PAGE2: variants seen among roughly 807,000 people sequenced by gnomAD.
PAGE2 encodes P antigen family member 2.
A neutral mutation model predicts 7.5 loss-of-function variants in PAGE2; 6 were observed. The ratio of observed to expected loss-of-function variants is 0.80; its 90% CI spans 0.44 to 1.57. The LOEUF is 1.57. Among genes scored for constraint, PAGE2 ranks in the 40% most tolerant of loss-of-function variants. PAGE2 has a pLI of 0.01. For synonymous variants in PAGE2, 22 were observed against 25.4 expected (o/e 0.87, Z 0.41); for missense variants, 72 against 76.4 (o/e 0.94, Z 0.21).
At chrX:55,089,429 C>T (rs909928651) in intron 1 of PAGE2, among the ~76,000 whole-genome samples, 5 of 110,048 alleles carry the variant, frequency 4.5e-5, no homozygotes, top group African/African-American at 1.7e-4. Flanking sequence ...AGTAGGGACG[C>T]GGGAAGGGAC....
chrX:55,090,350 C>A, intron 2 of PAGE2, 152 bp from the exon 3 acceptor site: 1 of 568,034 alleles, frequency 1.8e-6, no homozygotes, highest in Non-Finnish European at 2.8e-6. Flanking sequence ...ATCTATCTAT[C>A]TATCTATCTA....
chrX:55,090,324 G>GTCTATCTATCTA (rs754486473), intron 2 of PAGE2, among the ~76,000 whole-genome samples, 178 bp from the exon 3 acceptor site: 1 of 93,394 alleles, frequency 1.1e-5, no homozygotes, highest in East Asian at 3.1e-4. Context: ...GTATCTGTCT[G>GTCTATCTATCTA]TCTGTCTATC....
chrX:55,089,928 AC>A, intron 1 of PAGE2, 84 bp from the exon 2 acceptor site: 1 of 734,482 alleles, frequency 1.4e-6, no homozygotes, highest in Non-Finnish European at 2.0e-6. Flanking sequence ...TTAAAAAAGT[AC>A]AAATCACCAT....
At chrX:55,091,182 T>C in intron 3 of PAGE2, 150 bp from the exon 4 acceptor site, 1 of 1,016,299 alleles carries the variant, frequency 9.8e-7, no homozygotes. Context: ...TGTTCGAATA[T>C]CTCTGCTTTC....
intron 1 of PAGE2, among the ~76,000 whole-genome samples, chrX:55,089,709 A>C (rs1936636761): frequency 9.1e-6 from 1 of 110,126 alleles, no homozygotes; most frequent in Non-Finnish European, 1.9e-5. Context: ...TTCAGTTTCA[A>C]TTCTCTGCCC....
At chrX:55,089,816 A>G (rs1936637565) in intron 1 of PAGE2, among the ~76,000 whole-genome samples, 197 bp from the exon 2 acceptor site, 1 of 111,035 alleles carries the variant, frequency 9.0e-6, no homozygotes, top group Non-Finnish European at 1.9e-5. Flanking sequence ...GGGGATTTCT[A>G]TGCCTCTTCG....
At chrX:55,089,620 CCAA>C (rs1260729249) in intron 1 of PAGE2, among the ~76,000 whole-genome samples, 2 of 107,020 alleles carry the variant, frequency 1.9e-5, no homozygotes, top group Non-Finnish European at 3.8e-5. Flanking sequence ...GCTGTGCTTT[CCAA>C]CAAGACTTGA....
At chrX:55,090,326 C>T (rs1304688545) in intron 2 of PAGE2, among the ~76,000 whole-genome samples, 176 bp from the exon 3 acceptor site, 1 of 97,533 alleles carries the variant, frequency 1.0e-5, no homozygotes, top group African/African-American at 4.1e-5. Context: ...ATCTGTCTGT[C>T]TGTCTATCTA....
At position 55,090,434 on chromosome X, in the gene PAGE2, C is replaced by T. The variant is rs373579680; in HGVS notation, c.85-68C>T. 6.1e-5 allele frequency: 60 copies of T among 977,222 alleles called. 2 individuals carry two copies. The highest frequency in any genetic ancestry group is 5.5e-4 in the African/African-American group (27 of 48,847). 80.5% of individuals were successfully genotyped at this position (977,222 alleles called of 1,213,427 possible). ...GAAAAATGTCTTTAGATGTGTGATT[C>T]GATGCACATATGCATTTGTGTATTT... On this transcript the variant is annotated intron_variant, in intron 2 of 4. Coordinates refer to ENST00000374968, the MANE Select transcript of PAGE2 (RefSeq NM_207339.4).
intron 3 of PAGE2, among the ~76,000 whole-genome samples, chrX:55,090,975 A>G (rs1044685177): frequency 9.1e-6 from 1 of 109,422 alleles, no homozygotes; most frequent in Non-Finnish European, 1.9e-5. Context: ...TTTTTAACAC[A>G]CCTTTATTGA....
At position 55,090,366 on chromosome X, in the gene PAGE2, C is replaced by CT. The variant is rs10677847; in HGVS notation, c.85-136_85-135insT. On this transcript the variant is annotated intron_variant, in intron 2 of 4. Coordinates refer to ENST00000374968, the MANE Select transcript of PAGE2 (RefSeq NM_207339.4). Reference sequence around the variant, plus strand: ...TCTATCTATCTATCTATCTATCTATCATCTATCTATCTATATGTGTGTGTA... The same window carrying CT: ...TCTATCTATCTATCTATCTATCTATCTATCTATCTATCTATATGTGTGTGTA... 120 of 616,514 alleles carry CT rather than the reference C, an allele frequency of 1.9e-4. 1 individual carries two copies. The highest frequency in any genetic ancestry group is 1.1e-3 in the Middle Eastern group (3 of 2,662). The allele number at this position is 616,514 out of a possible 1,213,427, so 50.8% of individuals were successfully genotyped here. A position where few individuals can be genotyped will look rare whatever the true frequency, so the allele number is the denominator to read the frequency against.
rs765255043 is a variant in PAGE2, at chrX:55,090,618, G to C, written c.193+8G>C. The C allele has an allele frequency of 2.5e-6, 3 of 1,192,822 alleles. No individual in the cohort carries two copies. Among genetic ancestry groups the C allele is most frequent in the Admixed American group, 4.4e-5 (2 of 44,976 alleles). The stretch of plus-strand genomic sequence containing the variant: ...CAGTGCCTGCTTTTCAAGGTGAAGG[G>C]AGAGTGGAAAATAATGCTTATGGGT... On this transcript the variant is annotated splice_region_variant and intron_variant, in intron 3 of 4. Transcript: ENST00000374968.
Position 55,091,337 on chromosome X carries a change from G to A in PAGE2, c.199G>A (p.Asp67Asn). Residue 67 changes from aspartate (D) to asparagine (N), a missense_variant, in exon 4 of 5, where the codon GAC becomes AAC. Transcript: ENST00000374968. The stretch of plus-strand genomic sequence containing the variant: ...TGACCTTTTTATCTTTTAAGGGCCT[G>A]ACATGGAAGCTTTTCAACAGGAACT... Reference protein sequence around the residue: ...NQAVPAFQGPDMEAFQQELAL... With the variant: ...NQAVPAFQGPNMEAFQQELAL... The A allele has an allele frequency of 8.3e-7, 1 of 1,206,322 alleles. No individual in the cohort carries two copies. Among genetic ancestry groups the A allele is most frequent in the Non-Finnish European group, 1.1e-6 (1 of 894,234 alleles).
intron 1 of PAGE2, among the ~76,000 whole-genome samples, chrX:55,089,789 T>C (rs1052557322): frequency 6.3e-5 from 7 of 110,852 alleles, no homozygotes; most frequent in Non-Finnish European, 1.3e-4. Flanking sequence ...GTCCTCTGTC[T>C]TTTGCTATGG....
rs757278436 is a variant in PAGE2, at chrX:55,090,041, A to G, written c.21A>G (p.Ala7=). The part of the protein sequence containing the change: MSELLR[A]RSQSSERGND... Reference sequence around the variant, plus strand: ...GAAATATGAGTGAGCTTCTAAGAGCAAGATCCCAATCCTCAGAAAGAGGAA... The same window carrying G: ...GAAATATGAGTGAGCTTCTAAGAGCGAGATCCCAATCCTCAGAAAGAGGAA... Residue 7 remains alanine (A), a synonymous_variant, in exon 2 of 5, where the codon GCA becomes GCG. Coordinates refer to ENST00000374968, the MANE Select transcript of PAGE2 (RefSeq NM_207339.4). The G allele has an allele frequency of 8.3e-7, 1 of 1,200,628 alleles. No homozygotes were observed. The highest frequency in any genetic ancestry group is 3.0e-5 in the East Asian group (1 of 33,716).
At chrX:55,090,738 C>G in intron 3 of PAGE2, 128 bp downstream of exon 3, 1 of 557,232 alleles carries the variant, frequency 1.8e-6, no homozygotes, top group East Asian at 3.7e-5. Context: ...CCTACTGCTG[C>G]TGTGTGGAGG....
chrX:55,090,379 A>G, intron 2 of PAGE2, 123 bp from the exon 3 acceptor site: 1 of 686,459 alleles, frequency 1.5e-6, no homozygotes, highest in South Asian at 2.7e-5. Context: ...CTATCTATCT[A>G]TATGTGTGTG....
At chrX:55,090,798 T>G (rs3002387) in intron 3 of PAGE2, among the ~76,000 whole-genome samples, 188 bp downstream of exon 3, 1 of 107,520 alleles carries the variant, frequency 9.3e-6, no homozygotes, top group Non-Finnish European at 1.9e-5. Flanking sequence ...ACCACTTTGA[T>G]GGAGGCTTTT....
chrX:55,090,742 G>T (rs75478624), intron 3 of PAGE2, 132 bp downstream of exon 3: 20 of 550,564 alleles, frequency 3.6e-5, no homozygotes, highest in Non-Finnish European at 5.1e-5. Context: ...CTGCTGCTGT[G>T]TGGAGGGGTG....
Sources: gnomAD v4.1 joint callset for allele counts (sites outside exome capture counted in the v4.1 genomes callset) on GRCh38, gnomAD v4.1.1 for gene constraint, MANE v1.5 for transcripts, NCBI Gene and HGNC (gene_info 2026-07-23, HGNC 2026-07-21) for gene names.